AKR1D1: variants seen among roughly 807,000 people sequenced by gnomAD.
AKR1D1 encodes delta(4)-3-ketosteroid 5-beta-reductase.
AKR1D1 carries 32 observed loss-of-function variants against 42.6 expected under a neutral mutation model. The ratio of observed to expected loss-of-function variants is 0.75; its 90% CI spans 0.57 to 1.01. The LOEUF is 1.01. Among genes scored for constraint, AKR1D1 ranks in the 50% least tolerant of loss-of-function variants. The probability of loss-of-function intolerance (pLI) is 0.00; values close to 1 mark genes in which losing one functional copy is unlikely to be tolerated. For synonymous variants in AKR1D1, 123 were observed against 135.5 expected (o/e 0.91, Z 0.64); for missense variants, 364 against 402.2 (o/e 0.91, Z 0.81).
At chr7:138,077,723 G>A (rs921771326) in intron 1 of AKR1D1, among the ~76,000 whole-genome samples, 2 of 152,164 alleles carry the variant, frequency 1.3e-5, no homozygotes, top group Non-Finnish European at 2.9e-5. Flanking sequence ...ATGTATGAAT[G>A]AACTATTTGA....
intron 4 of AKR1D1, chr7:138,098,241 T>A: frequency 3.7e-6 from 1 of 268,036 alleles, no homozygotes; most frequent in Non-Finnish European, 7.0e-6. Context: ...TAAGATAAAT[T>A]CACAAATCAA....
chr7:138,083,220 T>C (rs1038624861), intron 1 of AKR1D1, among the ~76,000 whole-genome samples: 7 of 152,312 alleles, frequency 4.6e-5, no homozygotes, highest in African/African-American at 1.7e-4. Context: ...CCTTTCAGTT[T>C]TTTGATAATA....
intron 8 of AKR1D1, 149 bp downstream of exon 8, chr7:138,113,921 G>A: frequency 1.4e-6 from 1 of 727,490 alleles, no homozygotes; most frequent in Non-Finnish European, 2.4e-6. Context: ...ACATGCCTGA[G>A]GGAAATACAT....
rs1794458160 is a variant in AKR1D1, at chr7:138,107,525, G to GGGT, written c.804_806dup (p.Val270dup). 6.2e-7 allele frequency: 1 copy of GGGT among 1,614,018 alleles called. No homozygotes were observed. The highest frequency in any genetic ancestry group is 1.3e-5 in the African/African-American group (1 of 74,916). ...GTTTTGCGTTTCAACATCCAGCGAG[G>GGGT]GGTGGTTGTCATTCCTAAAAGCTTT... On this transcript the variant is annotated inframe_insertion, in exon 7 of 9. Coordinates refer to ENST00000242375, the MANE Select transcript of AKR1D1 (RefSeq NM_005989.4).
chr7:138,090,002 T>C (rs1794030651), intron 2 of AKR1D1, among the ~76,000 whole-genome samples: 1 of 151,288 alleles, frequency 6.6e-6, no homozygotes, highest in South Asian at 2.1e-4. Flanking sequence ...TTCATAAAGT[T>C]GTTATGAGTT....
At chr7:138,098,502 C>T (rs1794227195) in intron 4 of AKR1D1, among the ~76,000 whole-genome samples, 1 of 151,994 alleles carries the variant, frequency 6.6e-6, no homozygotes, top group Non-Finnish European at 1.5e-5. Flanking sequence ...CCCGGCTACT[C>T]AGGAGGCTGA....
At chr7:138,103,986 C>A (rs1396911604) in intron 4 of AKR1D1, among the ~76,000 whole-genome samples, 1 of 151,842 alleles carries the variant, frequency 6.6e-6, no homozygotes, top group African/African-American at 2.4e-5. Flanking sequence ...ATTTTAAAAA[C>A]AAAATTTAGC....
chr7:138,094,813 C>T (rs759581179), intron 3 of AKR1D1, among the ~76,000 whole-genome samples: 1 of 152,190 alleles, frequency 6.6e-6, no homozygotes, highest in Non-Finnish European at 1.5e-5. Flanking sequence ...AGCCACCATA[C>T]CTGACTTCAC....
rs1165017700 is a variant in AKR1D1 at position 138,105,371 on chromosome 7, G to C, written c.521G>C (p.Arg174Thr). Residue 174 changes from arginine to threonine, a missense_variant, in exon 5 of 9, where the codon AGG becomes ACG. Transcript: ENST00000242375. The part of the protein sequence containing the change: ...KSLGVSNFNR[R>T]QLELILNKPG... ...CTGGGAGTGTCCAATTTTAACCGCA[G>C]GCAGCTGGAGCTCATCCTGAACAAG... is the stretch of plus-strand genomic sequence containing the variant. 1 of 1,614,086 alleles carries C rather than the reference G, an allele frequency of 6.2e-7. No homozygotes were observed. Among genetic ancestry groups the C allele is most frequent in the Non-Finnish European group, 8.5e-7 (1 of 1,180,028 alleles).
chr7:138,107,482 A>C lies in AKR1D1; in HGVS notation c.757A>C (p.Lys253Gln). 5 of 1,614,114 alleles carry C rather than the reference A, an allele frequency of 3.1e-6. No individual in the cohort carries two copies. The highest frequency in any genetic ancestry group is 4.2e-6 in the Non-Finnish European group (5 of 1,179,936). Residue 253 changes from lysine (K) to glutamine (Q), a missense_variant, in exon 7 of 9, where the codon AAG becomes CAG. Transcript: ENST00000242375. Reference sequence around the variant, plus strand: ...AAACTCATTGGGGAAAAGGTACAATAAGACAGCAGCTCAAATTGTTTTGCG... The same window carrying C: ...AAACTCATTGGGGAAAAGGTACAATCAGACAGCAGCTCAAATTGTTTTGCG... ...LLNSLGKRYN[K>Q]TAAQIVLRFN...
At chr7:138,085,596 C>T (rs1480809439) in intron 1 of AKR1D1, among the ~76,000 whole-genome samples, 1 of 151,930 alleles carries the variant, frequency 6.6e-6, no homozygotes, top group African/African-American at 2.4e-5. Flanking sequence ...AGGTGTCTAC[C>T]ACCACGCCTG....
chr7:138,106,785 G>C (rs563922846), intron 6 of AKR1D1, 68 bp downstream of exon 6: 1 of 1,239,884 alleles, frequency 8.1e-7, no homozygotes, highest in South Asian at 1.2e-5. Context: ...TACTGTATTT[G>C]ATTGGAATGC....
At chr7:138,096,763 GCTT>G (rs147242330) in intron 3 of AKR1D1, among the ~76,000 whole-genome samples, 5,176 of 152,196 alleles carry the variant, frequency 0.034, 310 homozygotes, top group African/African-American at 0.12. Flanking sequence ...GTCTTTGGCA[GCTT>G]CTTCTCTGCC....
At chr7:138,108,934 G>T (rs923602005) in intron 7 of AKR1D1, among the ~76,000 whole-genome samples, 3 of 152,150 alleles carry the variant, frequency 2.0e-5, no homozygotes, top group African/African-American at 7.2e-5. Flanking sequence ...AATGTTATCT[G>T]TCAAATTAAA....
At chr7:138,092,337 G>T (rs942102517) in intron 3 of AKR1D1, among the ~76,000 whole-genome samples, 2 of 152,054 alleles carry the variant, frequency 1.3e-5, no homozygotes, top group Non-Finnish European at 2.9e-5. Flanking sequence ...CACAATCTCC[G>T]CCCTCATCCT....
intron 1 of AKR1D1, among the ~76,000 whole-genome samples, chr7:138,082,958 A>G (rs538956972): frequency 2.6e-5 from 4 of 152,364 alleles, no homozygotes; most frequent in African/African-American, 9.6e-5. Context: ...ATAATGCTAC[A>G]GTGAACATGG....
At chr7:138,102,915 T>A (rs1361829907) in intron 4 of AKR1D1, among the ~76,000 whole-genome samples, 1 of 151,988 alleles carries the variant, frequency 6.6e-6, no homozygotes, top group East Asian at 1.9e-4. Flanking sequence ...TACTACAAAC[T>A]GGGGAGCTTT....
chr7:138,080,681 G>T (rs7784881), intron 1 of AKR1D1, among the ~76,000 whole-genome samples: 115,017 of 152,152 alleles, frequency 0.76, 43,793 homozygotes, highest in African/African-American at 0.83. Flanking sequence ...GCAAAGCATC[G>T]CTGTGGGTTA....
chr7:138,100,117 A>C (rs1475575196), intron 4 of AKR1D1, among the ~76,000 whole-genome samples: 1 of 127,732 alleles, frequency 7.8e-6, no homozygotes, highest in African/African-American at 2.8e-5. Context: ...AAAAAAAAAA[A>C]ACATAAAGAG....
Sources: gnomAD v4.1 joint callset for allele counts (sites outside exome capture counted in the v4.1 genomes callset) on GRCh38, gnomAD v4.1.1 for gene constraint, MANE v1.5 for transcripts, NCBI Gene and HGNC (gene_info 2026-07-23, HGNC 2026-07-21) for gene names.